FHOD3: variants seen among roughly 807,000 people sequenced by gnomAD.
The protein encoded by FHOD3 is formin homology 2 domain containing 3.
In FHOD3, 90 loss-of-function variants were observed where a neutral mutation model predicts 173.0. The ratio of observed to expected loss-of-function variants is 0.52; its 90% CI spans 0.44 to 0.62. The LOEUF is 0.62. Ranked by LOEUF, FHOD3 falls within the 20% of genes least tolerant of loss-of-function variation. The pLI is 0.00. For missense variants in FHOD3, 1,945 were observed against 2,034.7 expected (o/e 0.96, Z 0.85); for synonymous variants, 828 against 823.0 (o/e 1.01, Z -0.10).
intron 5 of FHOD3, among the ~76,000 whole-genome samples, chr18:36,534,796 A>C (rs2056928002): frequency 6.6e-6 from 1 of 152,162 alleles, no homozygotes. Context: ...CTGGAGGCAC[A>C]CTCCAGCAAA....
chr18:36,717,979 G>A lies in FHOD3; in HGVS notation c.2681G>A (p.Arg894Lys). 6.2e-7 allele frequency: 1 copy of A among 1,613,688 alleles called. No individual in the cohort carries two copies. The highest frequency in any genetic ancestry group is 8.5e-7 in the Non-Finnish European group (1 of 1,179,796). Residue 894 changes from arginine to lysine, a missense_variant, in exon 19 of 29, where the codon AGG (arginine) becomes AAG (lysine). By Grantham distance (26) the Arg-to-Lys change is conservative. Transcript: ENST00000590592. ...DEEKGDGEAG[R>K]TQQEAEAVAS... ...GAGAAGGGGGATGGGGAGGCTGGGA[G>A]GACCCAGCAGGAGGCAGAGGCGGTA... is the stretch of plus-strand genomic sequence containing the variant.
chr18:36,526,281 T>C (rs369959370), intron 5 of FHOD3, among the ~76,000 whole-genome samples: 155 of 152,052 alleles, frequency 1.0e-3, no homozygotes, highest in Middle Eastern at 3.4e-3. Context: ...AAATCATTCT[T>C]TTTTTCCCCC....
At chr18:36,363,604 C>T (rs4503874) in intron 2 of FHOD3, among the ~76,000 whole-genome samples, 35,783 of 151,944 alleles carry the variant, frequency 0.24, 4,409 homozygotes, top group Admixed American at 0.33. Flanking sequence ...GCTATGGAGA[C>T]AGTGAAAAGA....
chr18:36,729,984 G>A lies in FHOD3; in HGVS notation c.3418-662G>A, dbSNP rs552679979. 2.2e-4 allele frequency among the ~76,000 whole-genome samples: 34 copies of A among 152,198 alleles called. No individual in the cohort carries two copies. The South Asian group carries it at 5.6e-3, about 25-fold the overall frequency. On this transcript the variant is annotated intron_variant, in intron 19 of 28. Transcript: ENST00000590592. The stretch of plus-strand genomic sequence containing the variant: ...TCCTTCTAGGCCTCTAAGCTGGTTC[G>A]TCCCCTATTCATCCTCACCAGTGCA...
chr18:36,569,298 A>G (rs77125651), intron 5 of FHOD3, among the ~76,000 whole-genome samples: 42 of 152,312 alleles, frequency 2.8e-4, no homozygotes, highest in African/African-American at 9.9e-4. Context: ...ACATGCAAAC[A>G]CTAATCAAAA....
chr18:36,511,610 G>A (rs1353142471), intron 4 of FHOD3, among the ~76,000 whole-genome samples: 1 of 152,116 alleles, frequency 6.6e-6, no homozygotes, highest in African/African-American at 2.4e-5. Context: ...AACCGTCTGA[G>A]CTCTTCAGAA....
At chr18:36,499,184 A>G (rs534897677) in intron 3 of FHOD3, among the ~76,000 whole-genome samples, 2 of 152,236 alleles carry the variant, frequency 1.3e-5, no homozygotes, top group East Asian at 1.9e-4. Flanking sequence ...GCTCACTGCA[A>G]TCCCCACCTC....
chr18:36,649,312 T>C lies in FHOD3; in HGVS notation c.1197-4T>C. The C allele has an allele frequency of 6.5e-7, 1 of 1,535,524 alleles. No homozygotes were observed. Among genetic ancestry groups the C allele is most frequent in the Non-Finnish European group, 8.7e-7 (1 of 1,146,512 alleles). On this transcript the variant is annotated splice_polypyrimidine_tract_variant and splice_region_variant and intron_variant, in intron 10 of 28. Coordinates refer to ENST00000590592, the MANE Select transcript of FHOD3 (RefSeq NM_001281740.3). ...GCATTTCTCTTTTCCTGGCTTTGTCTCAGGGAGGAGGAGGAGGAAGAGGAG... is the reference window on the plus strand; with the variant it reads ...GCATTTCTCTTTTCCTGGCTTTGTCCCAGGGAGGAGGAGGAGGAAGAGGAG...
At chr18:36,366,353 G>A (rs2046898770) in intron 2 of FHOD3, among the ~76,000 whole-genome samples, 1 of 152,122 alleles carries the variant, frequency 6.6e-6, no homozygotes, top group African/African-American at 2.4e-5. Flanking sequence ...CAAATGGAAC[G>A]AGGGAGAGAA....
At position 36,681,561 on chromosome 18, in the gene FHOD3, A is replaced by G. The variant is rs763272073; in HGVS notation, c.1961A>G (p.Asn654Ser). 9 of 1,613,400 alleles carry G rather than the reference A, an allele frequency of 5.6e-6. No homozygotes were observed. Among genetic ancestry groups the G allele is most frequent in the Non-Finnish European group, 2.5e-6 (3 of 1,179,722 alleles). Residue 654 changes from asparagine (N) to serine (S), a missense_variant, in exon 15 of 29, where the codon AAC becomes AGC. By Grantham distance (46) the Asn-to-Ser change is conservative. Around this residue, in one of 5 missense-constraint regions of FHOD3, gnomAD observed 1,099 missense variants for 1,051.2 expected, o/e 1.05. Coordinates refer to ENST00000590592, the MANE Select transcript of FHOD3 (RefSeq NM_001281740.3). ...RLQRIEREER[N>S]KFSRDYLDKR... ...CAGAGAATAGAGCGGGAAGAAAGAA[A>G]CAAATTCAGGTAAGAAGGATCTTAA...
intron 24 of FHOD3, among the ~76,000 whole-genome samples, chr18:36,751,455 A>T (rs1351024004): frequency 6.6e-6 from 1 of 152,152 alleles, no homozygotes; most frequent in Admixed American, 6.5e-5. Flanking sequence ...ATCCTATTTG[A>T]ATGCGCTTTA....
In FHOD3 at chr18:36,654,729, G is replaced by A. The variant is rs939913489; in HGVS notation, c.1721+1313G>A. Among the ~76,000 whole-genome samples the A allele has an allele frequency of 1.1e-4, 17 of 152,224 alleles. No individual in the cohort carries two copies. The South Asian group carries it at 1.7e-3, about 15-fold the overall frequency. On this transcript the variant is annotated intron_variant, in intron 13 of 28. Transcript: ENST00000590592. ...TTTTTCCCTGGATAAATAAAGCTCC[G>A]TCTTCTCCCTCCAGCATACTTCTTA...
chr18:36,625,217 A>G (rs543451306), intron 9 of FHOD3, among the ~76,000 whole-genome samples: 18 of 152,278 alleles, frequency 1.2e-4, no homozygotes, highest in African/African-American at 4.3e-4. Flanking sequence ...GTACAGAGTT[A>G]GTTAGGTCCT....
chr18:36,715,411 T>G (rs991875545), intron 18 of FHOD3, among the ~76,000 whole-genome samples: 4 of 152,236 alleles, frequency 2.6e-5, no homozygotes, highest in African/African-American at 9.6e-5. Flanking sequence ...CCAGCCATGC[T>G]GAACTGTGAG....
At chr18:36,617,808 G>A (rs897337585) in intron 9 of FHOD3, among the ~76,000 whole-genome samples, 1 of 151,972 alleles carries the variant, frequency 6.6e-6, no homozygotes, top group Non-Finnish European at 1.5e-5. Context: ...TGTGGGGTGA[G>A]GACAGTGAGG....
At chr18:36,715,195 G>A (rs534524804) in intron 18 of FHOD3, among the ~76,000 whole-genome samples, 1 of 152,222 alleles carries the variant, frequency 6.6e-6, no homozygotes, top group Non-Finnish European at 1.5e-5. Context: ...CAGGTCATGG[G>A]AGGGACCAGG....
At chr18:36,733,214 T>C (rs1568692279) in intron 20 of FHOD3, among the ~76,000 whole-genome samples, 1 of 152,226 alleles carries the variant, frequency 6.6e-6, no homozygotes, top group Non-Finnish European at 1.5e-5. Context: ...CCAAATCTTT[T>C]ACTGGAGCTA....
intron 10 of FHOD3, among the ~76,000 whole-genome samples, chr18:36,637,425 T>C (rs2034968750): frequency 6.6e-6 from 1 of 152,080 alleles, no homozygotes; most frequent in East Asian, 1.9e-4. Context: ...CCAGCTAATT[T>C]TTGTATTTTT....
At chr18:36,434,578 AT>A (rs897317273) in intron 3 of FHOD3, among the ~76,000 whole-genome samples, 3 of 151,874 alleles carry the variant, frequency 2.0e-5, no homozygotes, top group South Asian at 2.1e-4. Context: ...CAGATTGTTG[AT>A]TTTTTTTATT....
Sources: allele counts gnomAD v4.1 joint callset (sites outside exome capture counted in the v4.1 genomes callset), GRCh38; gene constraint gnomAD v4.1.1; regional missense constraint gnomAD v4.1.1; transcripts MANE v1.5; gene names NCBI Gene and HGNC (gene_info 2026-07-23, HGNC 2026-07-21).